Variants in MLPH observed in about 807,000 individuals in gnomAD.
MLPH encodes the protein exophilin-3.
Under a neutral mutation model 72.1 loss-of-function variants are expected in MLPH, and 51 were observed. That is an observed-to-expected ratio of 0.71 (90% CI 0.56 to 0.89). The LOEUF (loss-of-function observed/expected upper bound fraction) is 0.89. MLPH is among the 40% of genes least tolerant of loss of function. The pLI is 0.00. For missense variants in MLPH, 743 were observed against 759.9 expected, an observed-to-expected ratio of 0.98 and a Z score of 0.26; for synonymous variants, 301 against 310.1, an observed-to-expected ratio of 0.97 and a Z score of 0.31.
At chr2:237,550,282 C>T (rs2081005755) in intron 14 of MLPH, among the ~76,000 whole-genome samples, 1 of 152,228 alleles carries the variant, frequency 6.6e-6, no homozygotes, top group Non-Finnish European at 1.5e-5. Context: ...CAGCTCACTC[C>T]TTGATCAGTC....
chr2:237,488,229 G>A (rs880930), intron 1 of MLPH, among the ~76,000 whole-genome samples: 76 of 152,032 alleles, frequency 5.0e-4, no homozygotes, highest in Non-Finnish European at 7.2e-4. Context: ...AATGACAGTC[G>A]GGGGAGAGCA....
Position 237,518,616 on chromosome 2 carries a change from G to T in MLPH, c.523G>T (p.Ala175Ser), listed in dbSNP as rs1447949333. 6.2e-7 allele frequency: 1 copy of T among 1,612,746 alleles called. No homozygotes were observed. Residue 175 changes from alanine (A) to serine (S), a missense_variant, in exon 5 of 16, where the codon GCC (alanine) becomes TCC (serine). Transcript: ENST00000264605. ...TDEDGEPGSE[A>S]QAQAQPFGSK... ...TGAGGATGGAGAACCTGGCTCAGAG[G>T]CCCAGGCCCAGGCCCAGCCCTTTGG... is the stretch of plus-strand genomic sequence containing the variant.
At chr2:237,542,483 G>T in intron 11 of MLPH, 84 bp from the exon 12 acceptor site, 1 of 1,123,640 alleles carries the variant, frequency 8.9e-7, no homozygotes, top group Non-Finnish European at 1.3e-6. Flanking sequence ...CTGAGCTGGG[G>T]GCAGCTGCTC....
At chr2:237,511,123 C>T (rs1212679755) in intron 4 of MLPH, 22 bp downstream of exon 4, 23 of 1,587,468 alleles carry the variant, frequency 1.4e-5, no homozygotes, top group Non-Finnish European at 2.0e-5. Context: ...AGAGTAAGAA[C>T]GGCTTTTTGT....
In MLPH at chr2:237,493,483, G is replaced by A; in HGVS notation, c.57G>A (p.Leu19=). ...CTGATGAAGAGGCCCAGCATGTCTT[G>A]GAAGTTGTTCAACGAGATTTTGACC... ...KLTDEEAQHV[L]EVVQRDFDLR... The change falls in exon 2 of 16, where the codon TTG becomes TTA. Residue 19 remains leucine (L), a synonymous_variant. Coordinates refer to ENST00000264605, the MANE Select transcript of MLPH (RefSeq NM_024101.7). The A allele has an allele frequency of 6.2e-7, 1 of 1,614,086 alleles. No individual in the cohort carries two copies. Among genetic ancestry groups the A allele is most frequent in the Non-Finnish European group, 8.5e-7 (1 of 1,179,960 alleles).
chr2:237,553,049 G>T, intron 15 of MLPH: 1 of 463,682 alleles, frequency 2.2e-6, no homozygotes, highest in Non-Finnish European at 4.5e-6. Context: ...TGGAGTTTAA[G>T]TGCCCTCCAG....
chr2:237,539,994 A>T (rs2080631854), intron 9 of MLPH, among the ~76,000 whole-genome samples: 1 of 152,212 alleles, frequency 6.6e-6, no homozygotes. Context: ...GCAGAGATCC[A>T]TGACTCCACA....
intron 9 of MLPH, among the ~76,000 whole-genome samples, chr2:237,539,481 C>G (rs748972355): frequency 6.6e-6 from 1 of 152,166 alleles, no homozygotes; most frequent in Non-Finnish European, 1.5e-5. Flanking sequence ...CATCGCCTAC[C>G]TTAGCACCAT....
intron 2 of MLPH, among the ~76,000 whole-genome samples, chr2:237,500,555 A>G (rs568166342): frequency 5.1e-4 from 78 of 152,346 alleles, no homozygotes; most frequent in Non-Finnish European, 4.1e-4. Flanking sequence ...CCAAGTTTAC[A>G]CCCACATCAG....
rs553682286 is a variant in MLPH at position 237,542,617 on chromosome 2, G to A, written c.1497G>A (p.Thr499=). 3.4e-5 allele frequency: 55 copies of A among 1,601,824 alleles called. No individual in the cohort carries two copies. The highest frequency in any genetic ancestry group is 1.9e-4 in the Admixed American group (11 of 58,466). The part of the protein sequence containing the change: ...RIAALRAAGL[T]VKPSGKPRRK... ...CAGCCCTGAGGGCCGCAGGGCTCAC[G>A]GTGAAGCCCTCGGGAAAGCCCCGGA... The change falls in exon 12 of 16, where the codon ACG becomes ACA. Residue 499 remains threonine (T), a synonymous_variant. Coordinates refer to ENST00000264605, the MANE Select transcript of MLPH (RefSeq NM_024101.7).
intron 4 of MLPH, among the ~76,000 whole-genome samples, chr2:237,516,775 AGATGAATG>A (rs1468573741): frequency 1.4e-5 from 2 of 146,998 alleles, no homozygotes; most frequent in East Asian, 1.9e-4. Context: ...GGAGAGGGAG[AGATGAATG>A]GATGGATGGA....
intron 6 of MLPH, 54 bp downstream of exon 6, chr2:237,520,083 G>A: frequency 6.2e-7 from 1 of 1,612,422 alleles, no homozygotes. Flanking sequence ...TGAGTGGCAG[G>A]TGCTCAGGCC....
At chr2:237,548,815 C>G (rs1036345279) in intron 13 of MLPH, among the ~76,000 whole-genome samples, 1 of 152,192 alleles carries the variant, frequency 6.6e-6, no homozygotes, top group South Asian at 2.1e-4. Flanking sequence ...GGAGGCGGAG[C>G]TTGCAGTGAG....
intron 1 of MLPH, among the ~76,000 whole-genome samples, chr2:237,490,350 C>T (rs2079405201): frequency 6.6e-6 from 1 of 152,020 alleles, no homozygotes; most frequent in South Asian, 2.1e-4. Context: ...GAAAGAAAAC[C>T]ATTTGAAAGG....
chr2:237,547,997 C>T (rs147344945), intron 13 of MLPH, among the ~76,000 whole-genome samples: 16 of 152,296 alleles, frequency 1.1e-4, no homozygotes, highest in South Asian at 4.1e-4. Flanking sequence ...CTTCCAACCC[C>T]GGCAGCTCCT....
chr2:237,531,854 C>G (rs555424827), intron 8 of MLPH, among the ~76,000 whole-genome samples: 1 of 152,168 alleles, frequency 6.6e-6, no homozygotes, highest in East Asian at 1.9e-4. Flanking sequence ...TGCAAAGGAA[C>G]AGTGACCTGG....
rs1452801345 is a variant in MLPH at position 237,542,179 on chromosome 2, G to A, written c.1447-388G>A. ...AGGAGGGGCCTAAGACGGGAGGGGT[G>A]GAATGGGGGCCAGGCAAGGATGATG... is the stretch of plus-strand genomic sequence containing the variant. On this transcript the variant is annotated intron_variant, in intron 11 of 15. Coordinates refer to ENST00000264605, the MANE Select transcript of MLPH (RefSeq NM_024101.7). 2.0e-5 allele frequency among the ~76,000 whole-genome samples: 3 copies of A among 152,234 alleles called. No individual in the cohort carries two copies. The East Asian group carries it at 5.8e-4, about 29-fold the overall frequency.
chr2:237,518,076 G>GGATGTATA, intron 4 of MLPH: 1 of 296,114 alleles, frequency 3.4e-6, no homozygotes, highest in South Asian at 3.1e-5. Flanking sequence ...TTGGGTAGAT[G>GGATGTATA]GATGTATAGA....
rs1559378940 is a variant in MLPH, at chr2:237,546,686, A to G, written c.1617+3A>G. The G allele has an allele frequency of 6.2e-7, 1 of 1,613,366 alleles. No homozygotes were observed. Among genetic ancestry groups the G allele is most frequent in the Non-Finnish European group, 8.5e-7 (1 of 1,179,268 alleles). Reference sequence around the variant, plus strand: ...CAGACCCTTCAAGTGAGGCCAAGGTATGTGTTACTCCATTCAAGCCCCAGA... The same window carrying G: ...CAGACCCTTCAAGTGAGGCCAAGGTGTGTGTTACTCCATTCAAGCCCCAGA... On this transcript the variant is annotated splice_donor_region_variant and intron_variant, in intron 13 of 15. Transcript: ENST00000264605.
Sources: gnomAD v4.1 joint callset for allele counts (sites outside exome capture counted in the v4.1 genomes callset) on GRCh38, gnomAD v4.1.1 for gene constraint, MANE v1.5 for transcripts, NCBI Gene and HGNC (gene_info 2026-07-23, HGNC 2026-07-21) for gene names.